Variants in CDK5RAP2 observed in about 807,000 individuals in gnomAD.
CDK5RAP2 encodes the protein CDK5 regulatory subunit associated protein 2.
In CDK5RAP2, 147 loss-of-function variants were observed where a neutral mutation model predicts 232.9. The ratio of observed to expected loss-of-function variants is 0.63; its 90% CI spans 0.55 to 0.72. The LOEUF (loss-of-function observed/expected upper bound fraction) is 0.72, where lower values mean the gene tolerates loss of function less well. CDK5RAP2 is among the 30% of genes least tolerant of loss of function. The pLI is 0.00. For missense variants in CDK5RAP2, 2,195 were observed against 2,231.5 expected, an observed-to-expected ratio of 0.98 and a Z score of 0.33; for synonymous variants, 833 against 833.7, an observed-to-expected ratio of 1.00 and a Z score of 0.01.
chr9:120,472,777 G>A lies in CDK5RAP2; in HGVS notation c.1728-899C>T, dbSNP rs372249500. 3.3e-5 allele frequency among the ~76,000 whole-genome samples: 5 copies of A among 152,304 alleles called. No homozygotes were observed. In the East Asian group the frequency reaches 7.7e-4, roughly 23 times the overall value. On this transcript the variant is annotated intron_variant, in intron 15 of 37. Transcript: ENST00000349780. ...CCTCCCAGAATGTGCATTAATCTTGGGGAAACCTGTCCAATAGAACTTTCT... is the reference window on the plus strand; with the variant it reads ...CCTCCCAGAATGTGCATTAATCTTGAGGAAACCTGTCCAATAGAACTTTCT...
intron 4 of CDK5RAP2, among the ~76,000 whole-genome samples, chr9:120,549,869 A>G (rs2041987191): frequency 6.6e-6 from 1 of 152,234 alleles, no homozygotes; most frequent in South Asian, 2.1e-4. Context: ...AAACTTTCAT[A>G]AGGGACAAAG....
At chr9:120,391,079 C>A (rs191348481) in intron 36 of CDK5RAP2, among the ~76,000 whole-genome samples, 1 of 152,206 alleles carries the variant, frequency 6.6e-6, no homozygotes, top group East Asian at 1.9e-4. Flanking sequence ...ACACTGTGTG[C>A]AAATGGGGGT....
intron 5 of CDK5RAP2, among the ~76,000 whole-genome samples, chr9:120,544,476 G>A (rs1026393014): frequency 6.6e-6 from 1 of 152,204 alleles, no homozygotes; most frequent in African/African-American, 2.4e-5. Context: ...AGCATAACCT[G>A]GAGAAGAAGC....
At chr9:120,546,969 T>C (rs1053567481) in intron 4 of CDK5RAP2, among the ~76,000 whole-genome samples, 4 of 131,284 alleles carry the variant, frequency 3.0e-5, no homozygotes, top group African/African-American at 1.1e-4. Context: ...CCATAATACA[T>C]GTGTTTTTTG....
rs532418421 is a variant in CDK5RAP2, at chr9:120,402,993, G to C, written c.5120C>G (p.Pro1707Arg). Residue 1707 changes from proline (P) to arginine (R), a missense_variant, in exon 34 of 38, where the codon CCG becomes CGG. Physicochemically the swap from Pro to Arg is moderately radical, Grantham distance 103. Transcript: ENST00000349780. The stretch of plus-strand genomic sequence containing the variant: ...GCCAGTGACCAGGCGGGACACACAC[G>C]GAGTGCTAGTTGCCGAACTGCCACT... Reference protein sequence around the residue: ...CDSGSSATSTPCVSRLVTGHH... With the variant: ...CDSGSSATSTRCVSRLVTGHH... 6.2e-7 allele frequency: 1 copy of C among 1,614,172 alleles called. No homozygotes were observed. The highest frequency in any genetic ancestry group is 1.3e-5 in the African/African-American group (1 of 75,046).
chr9:120,410,868 G>A (rs1395914030), intron 29 of CDK5RAP2, among the ~76,000 whole-genome samples: 1 of 152,228 alleles, frequency 6.6e-6, no homozygotes. Context: ...GAAAGATAAT[G>A]TAAGTGAAAG....
chr9:120,442,278 G>A (rs1057489533), intron 23 of CDK5RAP2, among the ~76,000 whole-genome samples: 6 of 152,136 alleles, frequency 3.9e-5, no homozygotes, highest in Admixed American at 6.5e-5. Flanking sequence ...GATGCTTCCC[G>A]AAGTAACACT....
chr9:120,521,272 A>T (rs1046658413), intron 11 of CDK5RAP2, among the ~76,000 whole-genome samples: 5 of 152,212 alleles, frequency 3.3e-5, no homozygotes, highest in African/African-American at 1.2e-4. Flanking sequence ...ACCTTGGGTG[A>T]TTATCTAGAT....
At chr9:120,400,998 G>A (rs970190997) in intron 34 of CDK5RAP2, 113 bp from the exon 35 acceptor site, 1 of 1,167,068 alleles carries the variant, frequency 8.6e-7, no homozygotes, top group African/African-American at 1.5e-5. Flanking sequence ...TTCACACGCT[G>A]AGCGAAAGCC....
chr9:120,500,595 G>A (rs1013975814), intron 12 of CDK5RAP2, among the ~76,000 whole-genome samples: 1 of 152,158 alleles, frequency 6.6e-6, no homozygotes, highest in Non-Finnish European at 1.5e-5. Flanking sequence ...ATTTCTCCTT[G>A]TGCAAATTGT....
chr9:120,558,371 CAAAAAAAAAAAAAAA>C lies in CDK5RAP2; in HGVS notation c.196-7484_196-7470del, dbSNP rs60669308. Among the ~76,000 whole-genome samples the C allele has an allele frequency of 2.6e-3, 105 of 40,080 alleles. 4 individuals carry two copies. Among genetic ancestry groups the C allele is most frequent in the Admixed American group, 7.8e-3 (16 of 2,050 alleles). 26.3% of individuals were successfully genotyped at this position (40,080 alleles called of 152,430 possible). A position where few individuals can be genotyped will look rare whatever the true frequency, so the allele number is the denominator to read the frequency against. ...CTGGCGACAGAGTGAGACTCCGTCT[CAAAAAAAAAAAAAAA>C]AAAAAAAAAAAAAAGAATTTCTTTA... On this transcript the variant is annotated intron_variant, in intron 3 of 37. Transcript: ENST00000349780.
intron 25 of CDK5RAP2, among the ~76,000 whole-genome samples, chr9:120,435,587 T>C (rs530331785): frequency 5.3e-4 from 81 of 152,092 alleles, no homozygotes; most frequent in African/African-American, 1.9e-3. Flanking sequence ...ATATCATTCC[T>C]CACTAAAAGG....
At chr9:120,540,207 A>G (rs571365981) in intron 5 of CDK5RAP2, among the ~76,000 whole-genome samples, 1 of 152,362 alleles carries the variant, frequency 6.6e-6, no homozygotes, top group East Asian at 1.9e-4. Context: ...AGTGTCGGAC[A>G]TGACTCTGTA....
At chr9:120,389,905 C>G (rs1047659273) in intron 36 of CDK5RAP2, 118 bp from the exon 37 acceptor site, 3 of 895,010 alleles carry the variant, frequency 3.4e-6, no homozygotes, top group Non-Finnish European at 5.5e-6. Context: ...GTAGACAACA[C>G]GAGGTCTGAA....
At chr9:120,559,939 A>C (rs1051130686) in intron 3 of CDK5RAP2, among the ~76,000 whole-genome samples, 1 of 152,174 alleles carries the variant, frequency 6.6e-6, no homozygotes, top group Non-Finnish European at 1.5e-5. Flanking sequence ...TCTAAAAGGG[A>C]AGAAAAACCA....
chr9:120,453,861 CAGA>C lies in CDK5RAP2; in HGVS notation c.2385_2387del (p.Leu796del), dbSNP rs763908337. The C allele has an allele frequency of 1.2e-6, 2 of 1,614,230 alleles. No individual in the cohort carries two copies. The highest frequency in any genetic ancestry group is 1.7e-6 in the Non-Finnish European group (2 of 1,180,028). Reference sequence around the variant, plus strand: ...CCAGAAGCAGTTCCCGTACCACTTTCAGAAGGTCTGGCCTGTTTTTCCAAAAGG... The same window carrying C: ...CCAGAAGCAGTTCCCGTACCACTTTCAGGTCTGGCCTGTTTTTCCAAAAGG... On this transcript the variant is annotated inframe_deletion, in exon 21 of 38. Transcript: ENST00000349780.
rs753454474 is a variant in CDK5RAP2, at chr9:120,460,592, G to C, written c.2182C>G (p.His728Asp). The C allele has an allele frequency of 6.2e-7, 1 of 1,614,124 alleles. No individual in the cohort carries two copies. The highest frequency in any genetic ancestry group is 1.1e-5 in the South Asian group (1 of 91,070). ...DDEINFLSDQ[H>D]LQQSNEIMKD... Reference sequence around the variant, plus strand: ...CCTACCTCATTACTCTGCTGCAAATGCTGGTCACTCAGGAAATTAATCTCG... The same window carrying C: ...CCTACCTCATTACTCTGCTGCAAATCCTGGTCACTCAGGAAATTAATCTCG... Residue 728 changes from histidine (H) to aspartate (D), a missense_variant, in exon 19 of 38, where the codon CAT becomes GAT. Transcript: ENST00000349780.
In CDK5RAP2 at chr9:120,420,592, G is replaced by GA. The variant is rs796366623; in HGVS notation, c.4005-633dup. Among the ~76,000 whole-genome samples, 1,026 of 141,914 alleles carry GA rather than the reference G, an allele frequency of 7.2e-3. 8 individuals are homozygous for GA. The highest frequency in any genetic ancestry group is 0.012 in the African/African-American group (456 of 38,926). The allele number at this position is 141,914 out of a possible 152,430, so 93.1% of individuals were successfully genotyped here. A position where few individuals can be genotyped will look rare whatever the true frequency, so the allele number is the denominator to read the frequency against. ...TTCCCAAGGACCACCTAAGCCATGA[G>GA]AAAAAAAAAAAATGCTGTGAAAAGC... is the stretch of plus-strand genomic sequence containing the variant. On this transcript the variant is annotated intron_variant, in intron 26 of 37. Transcript: ENST00000349780.
chr9:120,426,354 G>A (rs1400861229), intron 25 of CDK5RAP2, among the ~76,000 whole-genome samples: 1 of 152,172 alleles, frequency 6.6e-6, no homozygotes, highest in East Asian at 1.9e-4. Context: ...GGAGACAAAA[G>A]ATATCAATCA....
Sources: allele counts gnomAD v4.1 joint callset (sites outside exome capture counted in the v4.1 genomes callset), GRCh38; gene constraint gnomAD v4.1.1; transcripts MANE v1.5; gene names NCBI Gene and HGNC (gene_info 2026-07-23, HGNC 2026-07-21).